SF3B1: variants seen among roughly 807,000 people sequenced by gnomAD.
SF3B1 encodes splicing factor 3b subunit 1.
Under a neutral mutation model 153.8 loss-of-function variants are expected in SF3B1, and 12 were observed. The observed-to-expected ratio is 0.08, with a 90% confidence interval of 0.05 to 0.13. SF3B1 has a LOEUF of 0.13. Ranked by LOEUF, SF3B1 falls within the 10% of genes least tolerant of loss-of-function variation. The pLI is 1.00. For missense variants in SF3B1, 513 were observed against 1,606.1 expected, an observed-to-expected ratio of 0.32 and a Z score of 11.63; for synonymous variants, 498 against 525.2, an observed-to-expected ratio of 0.95 and a Z score of 0.71.
At chr2:197,416,661 T>A in intron 6 of SF3B1, 80 bp downstream of exon 6, 1 of 1,264,786 alleles carries the variant, frequency 7.9e-7, no homozygotes, top group South Asian at 1.5e-5. Context: ...TATCTTGCTA[T>A]GGCAACCCAA....
chr2:197,419,060 A>T (rs144149571), intron 4 of SF3B1: 5 of 839,362 alleles, frequency 6.0e-6, no homozygotes, highest in South Asian at 1.6e-5. Context: ...CTATGACTAG[A>T]TAAGTTCTTC....
chr2:197,417,053 G>A (rs1014624085), intron 5 of SF3B1, 142 bp from the exon 6 acceptor site: 7 of 749,698 alleles, frequency 9.3e-6, no homozygotes, highest in Non-Finnish European at 1.5e-5. Flanking sequence ...TTCTACGCTC[G>A]CTGGTTCCAT....
rs1553563324 is a variant in SF3B1 at position 197,392,574 on chromosome 2, G to GGA, written c.3757-114_3757-113insTC. ...AAATTATTTCCCTTGGGGAGTTGGG[G>GGA]GGGGGGGAACCTACTAATTACACTG... is the stretch of plus-strand genomic sequence containing the variant. On this transcript the variant is annotated intron_variant, in intron 24 of 24. Coordinates refer to ENST00000335508, the MANE Select transcript of SF3B1 (RefSeq NM_012433.4). 1.4e-4 allele frequency: 48 copies of GGA among 354,456 alleles called. 10 individuals carry two copies. The highest frequency in any genetic ancestry group is 2.0e-4 in the Non-Finnish European group (39 of 194,990). The allele number at this position is 354,456 out of a possible 1,614,324, so 22.0% of individuals were successfully genotyped here.
chr2:197,420,305 T>C lies in SF3B1; in HGVS notation c.415+123A>G, dbSNP rs370601546. ...CTTCAACCACATCTATACAAATCTATAGTAAGGGGGATTTTTAAAAAGAAA... is the reference window on the plus strand; with the variant it reads ...CTTCAACCACATCTATACAAATCTACAGTAAGGGGGATTTTTAAAAAGAAA... On this transcript the variant is annotated intron_variant, in intron 4 of 24. Coordinates refer to ENST00000335508, the MANE Select transcript of SF3B1 (RefSeq NM_012433.4). The C allele has an allele frequency of 6.2e-3, 4,229 of 685,598 alleles. 205 individuals are homozygous for C. The South Asian group carries it at 0.074, about 12-fold the overall frequency. The allele number at this position is 685,598 out of a possible 1,614,324, so 42.5% of individuals were successfully genotyped here.
intron 6 of SF3B1, 97 bp downstream of exon 6, chr2:197,416,644 T>C: frequency 9.7e-7 from 1 of 1,028,558 alleles, no homozygotes. Context: ...AGGCACCCAG[T>C]CTGTGGTATC....
intron 1 of SF3B1, among the ~76,000 whole-genome samples, chr2:197,431,691 AG>A (rs1411692198): frequency 1.3e-5 from 2 of 152,244 alleles, no homozygotes; most frequent in Admixed American, 6.5e-5. Flanking sequence ...ACAGAAAAAC[AG>A]GAAGTATATT....
intron 1 of SF3B1, among the ~76,000 whole-genome samples, chr2:197,426,402 TCTC>T (rs2085337953): frequency 6.6e-6 from 1 of 151,966 alleles, no homozygotes; most frequent in South Asian, 2.1e-4. Context: ...TTCAAGCCAT[TCTC>T]CTGCCTCAGC....
chr2:197,397,293 A>G (rs1282121826), intron 22 of SF3B1, among the ~76,000 whole-genome samples: 1 of 152,146 alleles, frequency 6.6e-6, no homozygotes, highest in Admixed American at 6.6e-5. Context: ...CAAACAATCC[A>G]TAATAAGATT....
At chr2:197,413,218 T>C (rs999541929) in intron 6 of SF3B1, among the ~76,000 whole-genome samples, 1 of 151,814 alleles carries the variant, frequency 6.6e-6, no homozygotes, top group South Asian at 2.1e-4. Context: ...CTGGCCAACA[T>C]GGAGAAACCC....
At position 197,401,179 on chromosome 2, in the gene SF3B1, T is replaced by G. The variant is rs1352742638; in HGVS notation, c.2496+221A>C. The stretch of plus-strand genomic sequence containing the variant: ...TCATCTAGCCAGATAAAGCACTGAA[T>G]GTACCAGACAAAAACATCAATTCAC... On this transcript the variant is annotated intron_variant, in intron 17 of 24. Transcript: ENST00000335508. This position sits in a 1 kb window ranked among gnomAD's most constrained non-coding sequence, Gnocchi z 4.2. 6.6e-6 allele frequency among the ~76,000 whole-genome samples: 1 copy of G among 152,172 alleles called. No individual in the cohort carries two copies. The highest frequency in any genetic ancestry group is 1.5e-5 in the Non-Finnish European group (1 of 68,018).
intron 12 of SF3B1, among the ~76,000 whole-genome samples, 198 bp from the exon 13 acceptor site, chr2:197,403,233 C>T (rs923096458): frequency 2.6e-5 from 4 of 152,166 alleles, no homozygotes; most frequent in African/African-American, 9.7e-5. Flanking sequence ...ATTAGTGACA[C>T]ACTAATATTC....
In SF3B1 at chr2:197,403,030, G is replaced by A. The variant is rs764654037; in HGVS notation, c.1725C>T (p.Leu575=). Residue 575 remains leucine, a synonymous_variant, in exon 13 of 25, where the codon CTC becomes CTT. Coordinates refer to ENST00000335508, the MANE Select transcript of SF3B1 (RefSeq NM_012433.4). The part of the protein sequence containing the change: ...DLVRPYVHKI[L]VVIEPLLIDE... ...CAATCAATAGCGGTTCAATGACCAC[G>A]AGGATCTGAAAAAGAGAAAAGAGAA... The A allele has an allele frequency of 1.7e-5, 26 of 1,565,342 alleles. No homozygotes were observed. The highest frequency in any genetic ancestry group is 9.0e-5 in the South Asian group (8 of 88,934).
intron 20 of SF3B1, among the ~76,000 whole-genome samples, chr2:197,399,827 T>A (rs1300628776): frequency 1.3e-5 from 2 of 152,120 alleles, no homozygotes; most frequent in Non-Finnish European, 2.9e-5. Context: ...TACTCCCACC[T>A]CTCATGTAGG....
chr2:197,398,730 C>A lies in SF3B1; in HGVS notation c.3014-149G>T, dbSNP rs895038111. The A allele has an allele frequency of 4.2e-6, 3 of 716,984 alleles. No individual in the cohort carries two copies. The African/African-American group carries it at 5.4e-5, about 13-fold the overall frequency. The allele number at this position is 716,984 out of a possible 1,614,324, so 44.4% of individuals were successfully genotyped here. A position where few individuals can be genotyped will look rare whatever the true frequency, so the allele number is the denominator to read the frequency against. On this transcript the variant is annotated intron_variant, in intron 20 of 24. Transcript: ENST00000335508. ...GAAAGCCCCAGATTCTGACCAGACT[C>A]AGAATCGTTTTTAACTTTTATTAAC...
intron 1 of SF3B1, among the ~76,000 whole-genome samples, chr2:197,434,669 T>C (rs2085494252): frequency 6.6e-6 from 1 of 152,188 alleles, no homozygotes; most frequent in African/African-American, 2.4e-5. Flanking sequence ...GCTTCCCCGA[T>C]CCCTTGCCCA....
At position 197,402,295 on chromosome 2, in the gene SF3B1, TA is replaced by T; in HGVS notation, c.2078-166del. On this transcript the variant is annotated intron_variant, in intron 14 of 24. Transcript: ENST00000335508. This position sits in a 1 kb window ranked among gnomAD's most constrained non-coding sequence, Gnocchi z 4.6. ...ACATGAACCATAGCCTGTCAGCAGA[TA>T]ATATAACAAACCCATCATAAAATCT... 1.3e-6 allele frequency: 1 copy of T among 787,412 alleles called. No homozygotes were observed. The highest frequency in any genetic ancestry group is 2.0e-6 in the Non-Finnish European group (1 of 504,960). The allele number at this position is 787,412 out of a possible 1,614,324, so 48.8% of individuals were successfully genotyped here. A position where few individuals can be genotyped will look rare whatever the true frequency, so the allele number is the denominator to read the frequency against.
rs2085154291 is a variant in SF3B1, at chr2:197,416,748, T to A, written c.659A>T (p.Gln220Leu). ...ATPKKLSSWDQAETPGHTPSL... is the reference protein window; with the variant it reads ...ATPKKLSSWDLAETPGHTPSL... ...AAAACAAAAAGAAATTACCTCTGCC[T>A]GATCCCAACTTGATAGTTTTTTGGG... Residue 220 changes from glutamine to leucine, a missense_variant, in exon 6 of 25, where the codon CAG becomes CTG. Gln to Leu is a moderately radical substitution (Grantham distance 113). Coordinates refer to ENST00000335508, the MANE Select transcript of SF3B1 (RefSeq NM_012433.4). 1 of 1,610,048 alleles carries A rather than the reference T, an allele frequency of 6.2e-7. No individual in the cohort carries two copies. The highest frequency in any genetic ancestry group is 1.1e-5 in the South Asian group (1 of 90,006).
rs1235542408 is a variant in SF3B1, at chr2:197,403,597, T to G, written c.1707A>C (p.Pro569=). The part of the protein sequence containing the change: ...ILYKLDDLVR[P]YVHKILVVIE... ...AAGGAGAACAAACCTTATGCACATATGGACGAACTAAGTCATCAAGTTTGT... is the reference window on the plus strand; with the variant it reads ...AAGGAGAACAAACCTTATGCACATAGGGACGAACTAAGTCATCAAGTTTGT... Residue 569 remains proline, a synonymous_variant, in exon 12 of 25, where the codon CCA becomes CCC. Coordinates refer to ENST00000335508, the MANE Select transcript of SF3B1 (RefSeq NM_012433.4). The G allele has an allele frequency of 6.4e-7, 1 of 1,561,808 alleles. No individual in the cohort carries two copies. Among genetic ancestry groups the G allele is most frequent in the Middle Eastern group, 1.7e-4 (1 of 5,932 alleles).
At position 197,401,472 on chromosome 2, in the gene SF3B1, T is replaced by C. The variant is rs756336418; in HGVS notation, c.2424A>G (p.Thr808=). Residue 808 remains threonine (T), a synonymous_variant, in exon 17 of 25, where the codon ACA becomes ACG. Transcript: ENST00000335508. This position sits in a 1 kb window ranked among gnomAD's most constrained non-coding sequence, Gnocchi z 4.2. ...GTTTAAAAAAGGGAGGAAGAATCTCTGTTTTAATGTAGTTTGCTTCTACAC... is the reference window on the plus strand; with the variant it reads ...GTTTAAAAAAGGGAGGAAGAATCTCCGTTTTAATGTAGTTTGCTTCTACAC... ...TDGVEANYIK[T]EILPPFFKHF... The C allele has an allele frequency of 1.9e-6, 3 of 1,612,012 alleles. No individual in the cohort carries two copies. The highest frequency in any genetic ancestry group is 4.5e-5 in the East Asian group (2 of 44,812).
Sources: allele counts gnomAD v4.1 joint callset (sites outside exome capture counted in the v4.1 genomes callset), GRCh38; gene constraint gnomAD v4.1.1; non-coding constraint Gnocchi (gnomAD v3.1); transcripts MANE v1.5; gene names NCBI Gene and HGNC (gene_info 2026-07-23, HGNC 2026-07-21).